Variants in PSD2 observed in about 807,000 individuals in gnomAD.
The protein encoded by PSD2 is pleckstrin and Sec7 domain containing 2.
In PSD2, 38 loss-of-function variants were observed where a neutral mutation model predicts 69.8. The ratio of observed to expected loss-of-function variants is 0.54; its 90% CI spans 0.42 to 0.71. The LOEUF is 0.71. Ranked by LOEUF, PSD2 falls within the 30% of genes least tolerant of loss-of-function variation. The probability of loss-of-function intolerance (pLI) is 0.00; values close to 1 mark genes in which losing one functional copy is unlikely to be tolerated. For synonymous variants in PSD2, 412 were observed against 423.0 expected (o/e 0.97, Z 0.32); for missense variants, 943 against 1,014.5 (o/e 0.93, Z 0.96).
Position 139,814,492 on chromosome 5 carries a change from A to T in PSD2, c.1016+128A>T, listed in dbSNP as rs2126940760. 3 of 782,076 alleles carry T rather than the reference A, an allele frequency of 3.8e-6. No individual in the cohort carries two copies. In the African/African-American group the frequency reaches 5.5e-5, roughly 14 times the overall value. 48.4% of individuals were successfully genotyped at this position (782,076 alleles called of 1,614,324 possible). ...GGGCACTCCCAACAGTTCCCCAAGG[A>T]CACCTCCTCCCGCCACTGTCCTCAT... On this transcript the variant is annotated intron_variant, in intron 4 of 14. Transcript: ENST00000274710. The surrounding 1 kb of genome is among the most constrained non-coding windows in gnomAD (Gnocchi z 4.4).
Position 139,813,444 on chromosome 5 carries a change from G to C in PSD2, c.507G>C (p.Glu169Asp), listed in dbSNP as rs759701085. 2.5e-6 allele frequency: 4 copies of C among 1,614,074 alleles called. No individual in the cohort carries two copies. In the Admixed American group the frequency reaches 5.0e-5, roughly 20 times the overall value. The change falls in exon 3 of 15, where the codon GAG (glutamate) becomes GAC (aspartate). Residue 169 changes from glutamate to aspartate, a missense_variant. Coordinates refer to ENST00000274710, the MANE Select transcript of PSD2 (RefSeq NM_032289.4). ...DSLDGLSLTD[E>D]SDSCVSFEAP... ...TAGACGGGCTGAGCCTCACGGATGA[G>C]AGCGACAGCTGCGTCAGCTTCGAGG...
intron 5 of PSD2, among the ~76,000 whole-genome samples, chr5:139,821,094 G>A (rs1181640832): frequency 6.6e-6 from 1 of 152,124 alleles, no homozygotes; most frequent in African/African-American, 2.4e-5. Flanking sequence ...CACCACACCT[G>A]GCTAATTTTT....
upstream of PSD2, among the ~76,000 whole-genome samples, chr5:139,790,915 G>C (rs779602254): frequency 4.3e-4 from 65 of 151,812 alleles, 1 homozygote; most frequent in Non-Finnish European, 2.6e-4. Context: ...TGGTTGGGTG[G>C]GGGGGAGCGC....
the PSD2 span, among the ~76,000 whole-genome samples, chr5:139,784,917 G>C: frequency 6.6e-6 from 1 of 152,036 alleles, no homozygotes; most frequent in Non-Finnish European, 1.5e-5. Context: ...ACCACGCCTG[G>C]CTAATTTTTT....
chr5:139,779,515 A>T, the PSD2 span, among the ~76,000 whole-genome samples: 1 of 152,252 alleles, frequency 6.6e-6, no homozygotes, highest in Non-Finnish European at 1.5e-5. Context: ...TTTATCATGA[A>T]CTAGAGGTCA....
At chr5:139,838,586 C>G (rs200838863) in intron 12 of PSD2, 42 bp from the exon 13 acceptor site, 1 of 1,596,432 alleles carries the variant, frequency 6.3e-7, no homozygotes, top group East Asian at 2.2e-5. Context: ...GACAGGGAGT[C>G]CTGTGTGAGA....
At chr5:139,841,515 C>A (rs1760869057) in intron 14 of PSD2, among the ~76,000 whole-genome samples, 1 of 152,216 alleles carries the variant, frequency 6.6e-6, no homozygotes, top group African/African-American at 2.4e-5. Flanking sequence ...GCTTTCAACT[C>A]TTTTGGGTTT....
chr5:139,827,916 T>C, intron 7 of PSD2, among the ~76,000 whole-genome samples: 1 of 152,048 alleles, frequency 6.6e-6, no homozygotes, highest in Non-Finnish European at 1.5e-5. Flanking sequence ...GGCGAAACTG[T>C]ATCAGATCTC....
chr5:139,748,470 C>G, the PSD2 span, among the ~76,000 whole-genome samples: 165 of 152,336 alleles, frequency 1.1e-3, 1 homozygote, highest in African/African-American at 3.7e-3. Flanking sequence ...TTAGTACACT[C>G]CCAACCACCA....
At chr5:139,776,337 A>G in the PSD2 span, among the ~76,000 whole-genome samples, 2 of 152,214 alleles carry the variant, frequency 1.3e-5, no homozygotes, top group African/African-American at 4.8e-5. Context: ...CATGACTGGC[A>G]GTTTGGCCTG....
intron 5 of PSD2, among the ~76,000 whole-genome samples, chr5:139,820,458 G>A (rs116219168): frequency 6.6e-6 from 1 of 152,038 alleles, no homozygotes; most frequent in African/African-American, 2.4e-5. Flanking sequence ...ATTGGATTTC[G>A]AGAGTACTCT....
At chr5:139,820,523 C>A (rs141817631) in intron 5 of PSD2, among the ~76,000 whole-genome samples, 1 of 152,252 alleles carries the variant, frequency 6.6e-6, no homozygotes, top group Non-Finnish European at 1.5e-5. Flanking sequence ...CAAGTCATGG[C>A]TTGCAGGTCC....
At chr5:139,786,258 G>A in the PSD2 span, among the ~76,000 whole-genome samples, 2 of 152,040 alleles carry the variant, frequency 1.3e-5, no homozygotes, top group Non-Finnish European at 2.9e-5. Flanking sequence ...GGTGGCGGGT[G>A]CCTGTAGTTC....
At chr5:139,788,184 C>CT in the PSD2 span, among the ~76,000 whole-genome samples, 1 of 151,768 alleles carries the variant, frequency 6.6e-6, no homozygotes, top group Admixed American at 6.5e-5. Flanking sequence ...CCCGCGCCCC[C>CT]CCCCGAACCC....
the PSD2 span, among the ~76,000 whole-genome samples, chr5:139,773,420 C>A: frequency 1.3e-5 from 2 of 152,152 alleles, no homozygotes; most frequent in African/African-American, 2.4e-5. Flanking sequence ...CACCACCACA[C>A]CCTGCTTTTT....
chr5:139,792,187 G>T (rs1331806402), upstream of PSD2, among the ~76,000 whole-genome samples: 3 of 152,116 alleles, frequency 2.0e-5, no homozygotes, highest in Non-Finnish European at 2.9e-5. Flanking sequence ...GACAGGGGCA[G>T]GTTACAACAA....
At chr5:139,761,566 G>A in the PSD2 span, among the ~76,000 whole-genome samples, 1 of 152,182 alleles carries the variant, frequency 6.6e-6, no homozygotes, top group East Asian at 1.9e-4. Context: ...CCTTTCTGCT[G>A]TAGTTCCCCT....
At chr5:139,787,669 CT>C in the PSD2 span, among the ~76,000 whole-genome samples, 1 of 152,124 alleles carries the variant, frequency 6.6e-6, no homozygotes. Context: ...CGTCGCTGGC[CT>C]TCCCAGGGCC....
intron 14 of PSD2, 56 bp downstream of exon 14, chr5:139,840,226 G>C (rs1276797648): frequency 1.3e-6 from 2 of 1,594,716 alleles, no homozygotes; most frequent in East Asian, 4.5e-5. Context: ...TCTCCTTCCT[G>C]CCTGGCCTGA....
Sources: allele counts gnomAD v4.1 joint callset (sites outside exome capture counted in the v4.1 genomes callset), GRCh38; gene constraint gnomAD v4.1.1; non-coding constraint Gnocchi (gnomAD v3.1); transcripts MANE v1.5; gene names NCBI Gene and HGNC (gene_info 2026-07-23, HGNC 2026-07-21).